The following MCF2L variants were observed in gnomAD, a reference collection of about 807,000 sequenced individuals.
MCF2L encodes MCF.2 cell line derived transforming sequence like, also known as guanine nucleotide exchange factor DBS.
In MCF2L, 97 loss-of-function variants were observed where a neutral mutation model predicts 153.4. The observed-to-expected ratio is 0.63, with a 90% CI of 0.54 to 0.75. The LOEUF is 0.75. Among genes scored for constraint, MCF2L ranks in the 30% least tolerant of loss-of-function variants. MCF2L has a pLI of 0.00. For synonymous variants in MCF2L, 659 were observed against 632.2 expected (o/e 1.04, Z -0.64); for missense variants, 1,347 against 1,495.2 (o/e 0.90, Z 1.64).
chr13:113,090,152 G>A, intron 26 of MCF2L: 1 of 1,537,454 alleles, frequency 6.5e-7, no homozygotes, highest in Non-Finnish European at 8.8e-7. Context: ...AACCTCAAAG[G>A]TCAGAAAGGT....
rs1393041818 is a variant in MCF2L at position 112,951,461 on chromosome 13, T to C, written c.169+49090T>C. ...AAACTGGAAAGAACCCCAATGTCTT[T>C]TGGTGGGTGAAACGTTAAATTGTAC... On this transcript the variant is annotated intron_variant, in intron 2 of 29. Transcript: ENST00000375608. This position sits in a 1 kb window ranked among gnomAD's most constrained non-coding sequence, Gnocchi z 4.8. Among the ~76,000 whole-genome samples the C allele has an allele frequency of 6.6e-6, 1 of 152,224 alleles. No individual in the cohort carries two copies. The highest frequency in any genetic ancestry group is 2.4e-5 in the African/African-American group (1 of 41,458).
In MCF2L at chr13:113,097,052, G is replaced by A. The variant is rs571983610; in HGVS notation, c.*193G>A. On this transcript the variant is annotated 3_prime_UTR_variant, in exon 30 of 30. Coordinates refer to ENST00000535094, the MANE Select transcript of MCF2L (RefSeq NM_001112732.3). ...GACCCCGGCCCGCTGGGGCTTCCCC[G>A]GAGACTCCAGAGCCCACAGAGGAGG... The A allele has an allele frequency of 2.6e-5, 10 of 389,264 alleles. No homozygotes were observed. In the South Asian group the frequency reaches 7.1e-4, roughly 27 times the overall value. 24.1% of individuals were successfully genotyped at this position (389,264 alleles called of 1,614,324 possible). A position where few individuals can be genotyped will look rare whatever the true frequency, so the allele number is the denominator to read the frequency against.
Position 113,078,369 on chromosome 13 carries a change from G to A in MCF2L, c.1667G>A (p.Arg556Gln), listed in dbSNP as rs368347132. 31 of 1,613,156 alleles carry A rather than the reference G, an allele frequency of 1.9e-5. No individual in the cohort carries two copies. The highest frequency in any genetic ancestry group is 6.7e-5 in the African/African-American group (5 of 74,932). ...AKSPCPSPGIRRGSENSSSEG... is the reference protein window; with the variant it reads ...AKSPCPSPGIQRGSENSSSEG... ...CTCCCCTTCTTCCCAACAGGCATTC[G>A]GCGAGGCTCTGAGAACTCCAGCTCC... Residue 556 changes from arginine (R) to glutamine (Q), a missense_variant, in exon 14 of 30, where the codon CGG becomes CAG. Physicochemically the swap from Arg to Gln is conservative, Grantham distance 43. This residue lies in a region of MCF2L where 820 missense variants were observed against 921.2 expected (regional missense o/e 0.89). Coordinates refer to ENST00000535094, the MANE Select transcript of MCF2L (RefSeq NM_001112732.3).
intron 20 of MCF2L, among the ~76,000 whole-genome samples, chr13:113,085,663 G>C (rs1163864588): frequency 1.3e-5 from 2 of 149,266 alleles, no homozygotes; most frequent in Non-Finnish European, 3.0e-5. Context: ...AGGGTGGCAG[G>C]AGGGAGCTCC....
intron 15 of MCF2L, among the ~76,000 whole-genome samples, 171 bp downstream of exon 15, chr13:113,078,910 C>T (rs373335255): frequency 3.3e-5 from 5 of 152,218 alleles, no homozygotes; most frequent in East Asian, 1.9e-4. Flanking sequence ...GTGGCTCGAG[C>T]GTGTGTCCTG....
At chr13:112,938,423 T>G (rs2081544409) in intron 2 of MCF2L, among the ~76,000 whole-genome samples, 1 of 152,156 alleles carries the variant, frequency 6.6e-6, no homozygotes, top group African/African-American at 2.4e-5. Context: ...TGTCAGTAAG[T>G]GGCCTCTTGG....
chr13:113,003,904 G>A (rs1337156019), intron 1 of MCF2L, among the ~76,000 whole-genome samples: 3 of 152,246 alleles, frequency 2.0e-5, no homozygotes, highest in South Asian at 2.1e-4. Context: ...GCCTTGGAGA[G>A]TCTGTCCTCG....
chr13:113,062,427 C>T (rs74115770), intron 5 of MCF2L, among the ~76,000 whole-genome samples: 3,739 of 152,166 alleles, frequency 0.025, 137 homozygotes, highest in African/African-American at 0.076. Flanking sequence ...GAGATAACTC[C>T]GTGCGCCCTC....
At chr13:112,984,655 C>G (rs950454942) in intron 1 of MCF2L, among the ~76,000 whole-genome samples, 2 of 152,168 alleles carry the variant, frequency 1.3e-5, no homozygotes, top group South Asian at 4.1e-4. Context: ...GTGATCTCAG[C>G]GGAATTCCCC....
chr13:112,985,290 G>A (rs1350358271), intron 1 of MCF2L: 2 of 414,732 alleles, frequency 4.8e-6, no homozygotes. Context: ...AGATTTTAGG[G>A]GACAAAGTTC....
chr13:113,021,080 G>A (rs1422284756), intron 2 of MCF2L, among the ~76,000 whole-genome samples: 1 of 152,026 alleles, frequency 6.6e-6, no homozygotes, highest in Non-Finnish European at 1.5e-5. Flanking sequence ...AGGTGTGTAT[G>A]TTTGTACATA....
chr13:113,085,559 G>A (rs2034552011), intron 20 of MCF2L, among the ~76,000 whole-genome samples: 1 of 152,176 alleles, frequency 6.6e-6, no homozygotes, highest in Non-Finnish European at 1.5e-5. Flanking sequence ...CTAACCTTCA[G>A]GCAGGAAACT....
In MCF2L at chr13:113,069,579, G is replaced by C. The variant is rs545040704; in HGVS notation, c.882-480G>C. On this transcript the variant is annotated intron_variant, in intron 8 of 29. Coordinates refer to ENST00000535094, the MANE Select transcript of MCF2L (RefSeq NM_001112732.3). ...TGGGTGGTGCACAGCTGGAGTCCCA[G>C]CTACGTGGAGGCAGAGGTCGCAGTG... Among the ~76,000 whole-genome samples, 156 of 124,028 alleles carry C rather than the reference G, an allele frequency of 1.3e-3. 5 individuals are homozygous for C. The highest frequency in any genetic ancestry group is 2.2e-3 in the Non-Finnish European group (128 of 58,104). The allele number at this position is 124,028 out of a possible 152,430, so 81.4% of individuals were successfully genotyped here. A position where few individuals can be genotyped will look rare whatever the true frequency, so the allele number is the denominator to read the frequency against.
chr13:112,972,873 T>G (rs991731869), intron 1 of MCF2L, among the ~76,000 whole-genome samples: 1 of 146,572 alleles, frequency 6.8e-6, no homozygotes, highest in African/African-American at 2.5e-5. Context: ...GAGCAAAAGC[T>G]GTGTGCTGCC....
intron 17 of MCF2L, 32 bp downstream of exon 17, chr13:113,082,574 C>T (rs967171509): frequency 7.0e-7 from 1 of 1,437,496 alleles, no homozygotes; most frequent in South Asian, 1.2e-5. Context: ...AGGCACGCAC[C>T]CGTGATCTCT....
intron 15 of MCF2L, among the ~76,000 whole-genome samples, chr13:113,080,071 G>A (rs1462474439): frequency 3.5e-5 from 1 of 28,200 alleles, no homozygotes; most frequent in Non-Finnish European, 6.8e-5. Context: ...GAGAGTGTTC[G>A]TATGGAGGAG....
intron 2 of MCF2L, among the ~76,000 whole-genome samples, chr13:112,959,724 C>G (rs11620010): frequency 0.27 from 40,918 of 152,128 alleles, 6,023 homozygotes; most frequent in Non-Finnish European, 0.33. Flanking sequence ...ATGTCAAAAC[C>G]CAAAAGTGAA....
intron 4 of MCF2L, chr13:113,047,379 G>C (rs571094034): frequency 2.0e-5 from 3 of 152,194 alleles, no homozygotes; most frequent in Non-Finnish European, 4.4e-5. Flanking sequence ...CGTCTTAAAT[G>C]AGTTTGCACA....
chr13:113,075,842 G>A (rs142046104), intron 11 of MCF2L, 124 bp from the exon 12 acceptor site: 49 of 717,274 alleles, frequency 6.8e-5, no homozygotes, highest in African/African-American at 6.0e-4. Context: ...ACAGGGTGGC[G>A]GGAGCACGAG....
Sources: allele counts gnomAD v4.1 joint callset (sites outside exome capture counted in the v4.1 genomes callset), GRCh38; gene constraint gnomAD v4.1.1; regional missense constraint gnomAD v4.1.1; non-coding constraint Gnocchi (gnomAD v3.1); transcripts MANE v1.5; gene names NCBI Gene and HGNC (gene_info 2026-07-23, HGNC 2026-07-21).